TRIP13: variants seen among roughly 807,000 people sequenced by gnomAD.
TRIP13 encodes the protein thyroid hormone receptor interactor 13.
In TRIP13, 25 loss-of-function variants were observed where a neutral mutation model predicts 54.4. The observed-to-expected ratio is 0.46, with a 90% CI of 0.33 to 0.64. The LOEUF is 0.64. Ranked by LOEUF, TRIP13 falls within the 30% of genes least tolerant of loss-of-function variation. The pLI, the probability that TRIP13 is intolerant of heterozygous loss-of-function variation, is 0.02. For missense variants in TRIP13, 373 were observed against 534.2 expected (o/e 0.70, Z 2.97); for synonymous variants, 207 against 207.8 (o/e 1.00, Z 0.03).
In TRIP13 at chr5:908,619, G is replaced by A; in HGVS notation, c.866+158G>A. ...CGACTCCTTTTCCACATTGGAAGCA[G>A]CATATCACAAATGCTTTTTAAAGAA... On this transcript the variant is annotated intron_variant, in intron 9 of 12. Coordinates refer to ENST00000166345, the MANE Select transcript of TRIP13 (RefSeq NM_004237.4). The surrounding 1 kb of genome is among the most constrained non-coding windows in gnomAD (Gnocchi z 5.2). 4 of 1,454,744 alleles carry A rather than the reference G, an allele frequency of 2.7e-6. No individual in the cohort carries two copies. The highest frequency in any genetic ancestry group is 9.0e-7 in the Non-Finnish European group (1 of 1,105,074). 90.1% of individuals were successfully genotyped at this position (1,454,744 alleles called of 1,614,324 possible).
At chr5:894,689 G>A (rs1753869545) in intron 1 of TRIP13, 98 bp from the exon 2 acceptor site, 2 of 1,380,392 alleles carry the variant, frequency 1.4e-6, no homozygotes, top group Non-Finnish European at 9.6e-7. Context: ...TAACTACTGG[G>A]CTTTCTTATG....
chr5:914,066 A>G (rs2150691694), intron 10 of TRIP13, among the ~76,000 whole-genome samples: 1 of 152,254 alleles, frequency 6.6e-6, no homozygotes, highest in East Asian at 1.9e-4. Flanking sequence ...AGTCAGTGGA[A>G]GTCCTGGCTC....
chr5:916,345 G>T (rs1422043500), intron 12 of TRIP13, among the ~76,000 whole-genome samples: 1 of 152,220 alleles, frequency 6.6e-6, no homozygotes, highest in East Asian at 1.9e-4. Context: ...CCCACTGGGT[G>T]CTGGGCCTGT....
chr5:904,225 C>CTTTCGG lies in TRIP13; in HGVS notation c.608+7_608+12dup. On this transcript the variant is annotated splice_donor_region_variant and intron_variant, in intron 6 of 12. Coordinates refer to ENST00000166345, the MANE Select transcript of TRIP13 (RefSeq NM_004237.4). ...GACAATTAGACTTTCAAGCAGGTAA[C>CTTTCGG]TTTCGGTAATCTGTGAGAGGAGAGC... 6.2e-7 allele frequency: 1 copy of CTTTCGG among 1,605,166 alleles called. No individual in the cohort carries two copies. Among genetic ancestry groups the CTTTCGG allele is most frequent in the Non-Finnish European group, 8.5e-7 (1 of 1,177,112 alleles).
chr5:910,681 G>A lies in TRIP13; in HGVS notation c.867-1162G>A, dbSNP rs951950247. Among the ~76,000 whole-genome samples the A allele has an allele frequency of 4.6e-5, 7 of 152,158 alleles. No individual in the cohort carries two copies. In the East Asian group the frequency reaches 1.3e-3, roughly 29 times the overall value. ...TCATTCCCTCGTGCTTCTGGTTCCA[G>A]CCCCTCTCTAGAGGACTCTTTCTGT... On this transcript the variant is annotated intron_variant, in intron 9 of 12. Transcript: ENST00000166345.
intron 1 of TRIP13, chr5:893,533 C>G (rs1753763790): frequency 1.0e-5 from 2 of 193,760 alleles, no homozygotes; most frequent in South Asian, 7.3e-5. Flanking sequence ...TTTAATTGTT[C>G]CCGTTCCTCA....
intron 4 of TRIP13, 136 bp from the exon 5 acceptor site, chr5:901,205 A>T: frequency 1.6e-6 from 1 of 619,804 alleles, no homozygotes. Context: ...TTTGGAGGTG[A>T]TGATCTCTTA....
chr5:902,572 T>C (rs949722245), intron 5 of TRIP13, among the ~76,000 whole-genome samples: 5 of 152,260 alleles, frequency 3.3e-5, no homozygotes, highest in African/African-American at 4.8e-5. Context: ...TCGCAGCTTC[T>C]GTGAGGCATC....
intron 6 of TRIP13, among the ~76,000 whole-genome samples, chr5:906,923 AC>A (rs1754127022): frequency 6.6e-6 from 1 of 152,248 alleles, no homozygotes; most frequent in African/African-American, 2.4e-5. Flanking sequence ...CTCAATTGAT[AC>A]AGTCTAGAAC....
In TRIP13 at chr5:907,021, C is replaced by A; in HGVS notation, c.609-109C>A. 1 of 812,568 alleles carries A rather than the reference C, an allele frequency of 1.2e-6. No individual in the cohort carries two copies. The highest frequency in any genetic ancestry group is 2.1e-6 in the Non-Finnish European group (1 of 481,346). The allele number at this position is 812,568 out of a possible 1,614,324, so 50.3% of individuals were successfully genotyped here. On this transcript the variant is annotated intron_variant, in intron 6 of 12. Transcript: ENST00000166345. This position sits in a 1 kb window ranked among gnomAD's most constrained non-coding sequence, Gnocchi z 4.1. ...CAATTCTTTGTCAGTAATTGTAATTCCCCCGATGCTGGGCACTTGAGATGT... is the reference window on the plus strand; with the variant it reads ...CAATTCTTTGTCAGTAATTGTAATTACCCCGATGCTGGGCACTTGAGATGT...
rs895925623 is a variant in TRIP13 at position 907,755 on chromosome 5, C to T, written c.673-233C>T. On this transcript the variant is annotated intron_variant, in intron 7 of 12. Coordinates refer to ENST00000166345, the MANE Select transcript of TRIP13 (RefSeq NM_004237.4). This position sits in a 1 kb window ranked among gnomAD's most constrained non-coding sequence, Gnocchi z 4.1. ...CCTCACTGTGCCGCCCCGGGCAGGT[C>T]AGGTGTGGTCTCAGGTCTCAGCACC... Among the ~76,000 whole-genome samples the T allele has an allele frequency of 1.3e-5, 2 of 152,238 alleles. No homozygotes were observed. Among genetic ancestry groups the T allele is most frequent in the African/African-American group, 4.8e-5 (2 of 41,466 alleles).
At position 900,964 on chromosome 5, in the gene TRIP13, G is replaced by A. The variant is rs74530284; in HGVS notation, c.445-377G>A. ...ATTGATAGTCTGAGACTATCACTCA[G>A]ACTGCTCCTCTGCATTGTGGCTGTT... On this transcript the variant is annotated intron_variant, in intron 4 of 12. Transcript: ENST00000166345. Among the ~76,000 whole-genome samples, 126 of 152,000 alleles carry A rather than the reference G, an allele frequency of 8.3e-4. 1 individual carries two copies. The East Asian group carries it at 0.02, about 24-fold the overall frequency.
chr5:896,503 C>T (rs950726106), intron 2 of TRIP13, among the ~76,000 whole-genome samples, 162 bp from the exon 3 acceptor site: 1 of 152,150 alleles, frequency 6.6e-6, no homozygotes, highest in Admixed American at 6.5e-5. Context: ...AGCCAATCCT[C>T]AATCTGAAAT....
chr5:905,505 G>C (rs1176407719), intron 6 of TRIP13, among the ~76,000 whole-genome samples: 2 of 152,164 alleles, frequency 1.3e-5, no homozygotes, highest in African/African-American at 4.8e-5. Context: ...TCCAATCTCT[G>C]TCTCCTCGAC....
chr5:914,652 G>A (rs1306138853), intron 11 of TRIP13, 75 bp downstream of exon 11: 1 of 1,263,364 alleles, frequency 7.9e-7, no homozygotes, highest in African/African-American at 1.5e-5. Context: ...TGTTTCCTTT[G>A]AGGAGACCAG....
At position 914,451 on chromosome 5, in the gene TRIP13, TTC is replaced by T. The variant is rs1417657833; in HGVS notation, c.1021-12_1021-11del. The T allele has an allele frequency of 1.8e-5, 29 of 1,600,748 alleles. No homozygotes were observed. The highest frequency in any genetic ancestry group is 1.9e-5 in the Non-Finnish European group (22 of 1,169,166). ...TGTGGACTCAGCTAACCGCCTGTAC[TTC>T]TGTCTCCCCAGTGTCAGATCATATA... On this transcript the variant is annotated splice_polypyrimidine_tract_variant and intron_variant, in intron 10 of 12. Coordinates refer to ENST00000166345, the MANE Select transcript of TRIP13 (RefSeq NM_004237.4).
At chr5:904,754 C>G (rs1022193374) in intron 6 of TRIP13, among the ~76,000 whole-genome samples, 1 of 152,034 alleles carries the variant, frequency 6.6e-6, no homozygotes, top group East Asian at 1.9e-4. Context: ...GACTGATTTT[C>G]TACATCGTCT....
In TRIP13 at chr5:896,798, T is replaced by C. The variant is rs1467643645; in HGVS notation, c.388+4T>C. 2 of 1,612,026 alleles carry C rather than the reference T, an allele frequency of 1.2e-6. No individual in the cohort carries two copies. The highest frequency in any genetic ancestry group is 1.7e-6 in the Non-Finnish European group (2 of 1,178,964). ...AATCACTGGGTTCTACCTGCAGGTA[T>C]GGGGTGTGATGGGAGTTGAAGGGGA... On this transcript the variant is annotated splice_donor_region_variant and intron_variant, in intron 3 of 12. Transcript: ENST00000166345.
Position 916,030 on chromosome 5 carries a change from C to T in TRIP13, c.1203+57C>T, listed in dbSNP as rs1167872496. The T allele has an allele frequency of 1.6e-5, 25 of 1,547,858 alleles. No individual in the cohort carries two copies. The African/African-American group carries it at 1.9e-4, about 12-fold the overall frequency. ...CCCTGTCCACAGGTCTCAGCCTCGCCGGAGATTCCGCTTAGTAGCCCTGGG... is the reference window on the plus strand; with the variant it reads ...CCCTGTCCACAGGTCTCAGCCTCGCTGGAGATTCCGCTTAGTAGCCCTGGG... On this transcript the variant is annotated intron_variant, in intron 12 of 12. Transcript: ENST00000166345.
Sources: allele counts gnomAD v4.1 joint callset (sites outside exome capture counted in the v4.1 genomes callset), GRCh38; gene constraint gnomAD v4.1.1; non-coding constraint Gnocchi (gnomAD v3.1); transcripts MANE v1.5; gene names NCBI Gene and HGNC (gene_info 2026-07-23, HGNC 2026-07-21).